Variants in MARCHF1 observed in about 807,000 individuals in gnomAD.
The protein encoded by MARCHF1 is membrane associated ring-CH-type finger 1, also known as E3 ubiquitin-protein ligase MARCHF1.
Under a neutral mutation model 54.2 loss-of-function variants are expected in MARCHF1, and 40 were observed. The ratio of observed to expected loss-of-function variants is 0.74; its 90% CI spans 0.57 to 0.96. The LOEUF (loss-of-function observed/expected upper bound fraction) is 0.96. Ranked by LOEUF, MARCHF1 falls within the 40% of genes least tolerant of loss-of-function variation. MARCHF1 has a pLI of 0.00. For synonymous variants in MARCHF1, 236 were observed against 236.3 expected (o/e 1.00, Z 0.01); for missense variants, 586 against 656.5 (o/e 0.89, Z 1.17).
intron 1 of MARCHF1, among the ~76,000 whole-genome samples, chr4:164,184,894 C>T (rs2111026560): frequency 6.6e-6 from 1 of 152,268 alleles, no homozygotes; most frequent in South Asian, 2.1e-4. Flanking sequence ...ATAAAAAGAG[C>T]TCTTTGGATG....
chr4:163,812,787 C>A (rs10006356), intron 4 of MARCHF1, among the ~76,000 whole-genome samples: 131,725 of 152,120 alleles, frequency 0.87, 58,275 homozygotes, highest in South Asian at 0.96. Flanking sequence ...AAAAACAAAC[C>A]AAAAAACCTA....
rs116294710 is a variant in MARCHF1, at chr4:164,239,030, C to T, written c.-322-127368G>A. Among the ~76,000 whole-genome samples the T allele has an allele frequency of 5.0e-3, 761 of 152,070 alleles. 5 individuals are homozygous for T. The highest frequency in any genetic ancestry group is 0.013 in the African/African-American group (533 of 41,548). On this transcript the variant is annotated intron_variant, in intron 1 of 9. Transcript: ENST00000514618. ...ATCTGTATAGTGAATACCTATGGAT[C>T]ACCATTGTTTTTCAGGTTATATATT...
chr4:163,944,133 A>ATTTTTTTTT (rs5863642), intron 3 of MARCHF1, among the ~76,000 whole-genome samples: 20 of 110,088 alleles, frequency 1.8e-4, no homozygotes, highest in African/African-American at 6.8e-4. Flanking sequence ...CACCGGGCTA[A>ATTTTTTTTT]TTTTTTTTTT....
At chr4:163,591,049 TAATC>T (rs1335093695) in intron 7 of MARCHF1, among the ~76,000 whole-genome samples, 5 of 151,656 alleles carry the variant, frequency 3.3e-5, no homozygotes, top group Middle Eastern at 3.4e-3. Context: ...TAATTATTAA[TAATC>T]AATTATTTCA....
At chr4:164,151,354 G>T (rs895420939) in intron 1 of MARCHF1, among the ~76,000 whole-genome samples, 6 of 152,168 alleles carry the variant, frequency 3.9e-5, no homozygotes, top group African/African-American at 1.4e-4. Flanking sequence ...ACTACCACCA[G>T]TGCCATCAGT....
At chr4:164,195,997 A>G (rs1731245697) in intron 1 of MARCHF1, among the ~76,000 whole-genome samples, 1 of 152,166 alleles carries the variant, frequency 6.6e-6, no homozygotes, top group Non-Finnish European at 1.5e-5. Flanking sequence ...TATAGTTGAA[A>G]TGCTGCAATT....
chr4:164,175,984 C>T (rs1010846157), intron 1 of MARCHF1, among the ~76,000 whole-genome samples: 2 of 152,110 alleles, frequency 1.3e-5, no homozygotes, highest in African/African-American at 2.4e-5. Context: ...AGCAATCAGT[C>T]CTCATCAAGT....
chr4:164,107,451 C>G lies in MARCHF1; in HGVS notation c.-248+4137G>C, dbSNP rs559538704. ...TCCTGTCTCACTGCAAACTCTGCCT[C>G]TTGGGCTCAAGCAGTCCTCTCCCCA... On this transcript the variant is annotated intron_variant, in intron 2 of 9. Coordinates refer to ENST00000514618, the MANE Select transcript of MARCHF1 (RefSeq NM_001394959.1). Among the ~76,000 whole-genome samples the G allele has an allele frequency of 4.0e-4, 61 of 152,238 alleles. 1 individual carries two copies. The highest frequency in any genetic ancestry group is 8.3e-4 in the South Asian group (4 of 4,818).
At chr4:163,667,002 C>T (rs538422251) in intron 5 of MARCHF1, among the ~76,000 whole-genome samples, 4 of 151,762 alleles carry the variant, frequency 2.6e-5, no homozygotes, top group South Asian at 2.1e-4. Flanking sequence ...TAAAATAATA[C>T]GGGAGAAATT....
rs969577573 is a variant in MARCHF1, at chr4:164,179,539, C to A, written c.-322-67877G>T. On this transcript the variant is annotated intron_variant, in intron 1 of 9. Coordinates refer to ENST00000514618, the MANE Select transcript of MARCHF1 (RefSeq NM_001394959.1). The stretch of plus-strand genomic sequence containing the variant: ...CAGAAACCACTGAAAATACAATTTG[C>A]CTAATTAATGTCAGTTGATGTAATA... 2.0e-5 allele frequency among the ~76,000 whole-genome samples: 3 copies of A among 152,100 alleles called. No homozygotes were observed. In the South Asian group the frequency reaches 6.2e-4, roughly 32 times the overall value.
At chr4:163,830,008 G>A (rs1748973098) in intron 4 of MARCHF1, among the ~76,000 whole-genome samples, 1 of 152,084 alleles carries the variant, frequency 6.6e-6, no homozygotes, top group Non-Finnish European at 1.5e-5. Context: ...TGTATACCCT[G>A]GAGCAATGTT....
intron 4 of MARCHF1, among the ~76,000 whole-genome samples, chr4:163,834,327 G>C (rs1326765471): frequency 6.6e-6 from 1 of 150,784 alleles, no homozygotes; most frequent in Non-Finnish European, 1.5e-5. Context: ...AATGCTCTTT[G>C]TCCTTCCAAA....
chr4:163,753,458 T>A (rs1401388526), intron 4 of MARCHF1, among the ~76,000 whole-genome samples: 2 of 152,284 alleles, frequency 1.3e-5, no homozygotes, highest in Admixed American at 1.3e-4. Flanking sequence ...TTTCTATTTT[T>A]TTAATCACCA....
chr4:164,171,511 A>T (rs1456179447), intron 1 of MARCHF1, among the ~76,000 whole-genome samples: 3 of 152,192 alleles, frequency 2.0e-5, no homozygotes. Flanking sequence ...TTAGAAGATT[A>T]TAGTAATGAT....
intron 4 of MARCHF1, among the ~76,000 whole-genome samples, chr4:163,742,723 C>G (rs1486747460): frequency 6.6e-6 from 1 of 152,004 alleles, no homozygotes; most frequent in African/African-American, 2.4e-5. Context: ...AATGATCCTC[C>G]CACCCGGACC....
chr4:164,027,416 T>C (rs1231650500), intron 2 of MARCHF1, among the ~76,000 whole-genome samples: 1 of 106,402 alleles, frequency 9.4e-6, no homozygotes, highest in Non-Finnish European at 2.0e-5. Flanking sequence ...AATGGATCTA[T>C]ATCCACAGTA....
chr4:163,663,222 C>CTT (rs70948661), intron 5 of MARCHF1, among the ~76,000 whole-genome samples: 6,628 of 141,080 alleles, frequency 0.047, 187 homozygotes, highest in African/African-American at 0.069. Context: ...TTTAAATCAT[C>CTT]TTTTTTTTTT....
Position 163,810,082 on chromosome 4 carries a change from G to A in MARCHF1, c.111+43939C>T, listed in dbSNP as rs147143506. Among the ~76,000 whole-genome samples, 466 of 152,118 alleles carry A rather than the reference G, an allele frequency of 3.1e-3. 3 individuals carry two copies. Among genetic ancestry groups the A allele is most frequent in the African/African-American group, 0.011 (443 of 41,524 alleles). ...CAAGATACAACTGGGAAAGACCGAT[G>A]CAAGGTGCCCGACAATAAACAAGCC... On this transcript the variant is annotated intron_variant, in intron 4 of 9. Coordinates refer to ENST00000514618, the MANE Select transcript of MARCHF1 (RefSeq NM_001394959.1).
chr4:164,016,183 C>A (rs1434250802), intron 2 of MARCHF1, among the ~76,000 whole-genome samples: 3 of 152,162 alleles, frequency 2.0e-5, no homozygotes, highest in East Asian at 1.9e-4. Context: ...TTAATTGACT[C>A]AGTTCCATAT....
Sources: gnomAD v4.1 joint callset for allele counts (sites outside exome capture counted in the v4.1 genomes callset) on GRCh38, gnomAD v4.1.1 for gene constraint, MANE v1.5 for transcripts, NCBI Gene and HGNC (gene_info 2026-07-23, HGNC 2026-07-21) for gene names.